Variants in KAZN observed in about 807,000 individuals in gnomAD.
KAZN encodes kazrin, periplakin interacting protein.
A neutral mutation model predicts 87.4 loss-of-function variants in KAZN; 40 were observed. The ratio of observed to expected loss-of-function variants is 0.46; its 90% CI spans 0.36 to 0.60. The LOEUF (loss-of-function observed/expected upper bound fraction) is 0.60, where lower values mean the gene tolerates loss of function less well. KAZN is among the 20% of genes least tolerant of loss of function. The pLI, the probability that KAZN is intolerant of heterozygous loss-of-function variation, is 0.00. For synonymous variants in KAZN, 466 were observed against 458.3 expected (o/e 1.02, Z -0.22); for missense variants, 898 against 1,073.9 (o/e 0.84, Z 2.29).
chr1:14,193,879 C>T (rs549570132), intron 2 of KAZN, among the ~76,000 whole-genome samples: 11 of 152,108 alleles, frequency 7.2e-5, no homozygotes, highest in African/African-American at 1.4e-4. Context: ...GCATAGCAGG[C>T]GGCTGTGTTT....
intron 1 of KAZN, among the ~76,000 whole-genome samples, chr1:14,023,784 T>C (rs1324645857): frequency 6.6e-6 from 1 of 152,142 alleles, no homozygotes; most frequent in Non-Finnish European, 1.5e-5. Flanking sequence ...TGAGTGAGGA[T>C]GAGTTCCGGC....
chr1:14,421,658 TG>T (rs2101319715), intron 2 of KAZN, among the ~76,000 whole-genome samples: 1 of 152,322 alleles, frequency 6.6e-6, no homozygotes, highest in South Asian at 2.1e-4. Context: ...TGGAAAATTC[TG>T]GGTTAAATAC....
intron 1 of KAZN, among the ~76,000 whole-genome samples, chr1:14,050,571 C>G (rs1371136284): frequency 6.6e-6 from 1 of 152,198 alleles, no homozygotes; most frequent in Non-Finnish European, 1.5e-5. Flanking sequence ...AGAATTCACT[C>G]ACTCTCGTGA....
chr1:14,288,891 T>C lies in KAZN; in HGVS notation c.249+108299T>C, dbSNP rs373523961. On this transcript the variant is annotated intron_variant, in intron 2 of 16. Transcript: ENST00000636203. The stretch of plus-strand genomic sequence containing the variant: ...ATTCTGGTGTGTTGTGTCTTTGTTC[T>C]CATTGGTTCCAAAGAACGTCTTTAT... Among the ~76,000 whole-genome samples the C allele has an allele frequency of 3.9e-5, 6 of 152,348 alleles. No individual in the cohort carries two copies. In the East Asian group the frequency reaches 1.2e-3, roughly 29 times the overall value.
chr1:14,469,634 A>G (rs908862964), intron 2 of KAZN, among the ~76,000 whole-genome samples: 1 of 152,220 alleles, frequency 6.6e-6, no homozygotes, highest in Non-Finnish European at 1.5e-5. Context: ...TCTAGGTTCC[A>G]GGATGGCAAT....
intron 1 of KAZN, among the ~76,000 whole-genome samples, chr1:13,956,287 A>C (rs58616053): frequency 0.14 from 21,422 of 148,890 alleles, 1,636 homozygotes; most frequent in African/African-American, 0.2. Flanking sequence ...AGATGTTACT[A>C]CATCATTTCT....
intron 2 of KAZN, among the ~76,000 whole-genome samples, chr1:14,278,926 CTTTTTTTTTT>C (rs77998358): frequency 2.0e-5 from 2 of 97,768 alleles, no homozygotes; most frequent in Non-Finnish European, 3.7e-5. Flanking sequence ...TCAAATTCAG[CTTTTTTTTTT>C]TTTTTTTTTT....
intron 1 of KAZN, among the ~76,000 whole-genome samples, chr1:14,865,600 T>C (rs988546645): frequency 1.3e-5 from 2 of 152,184 alleles, no homozygotes; most frequent in African/African-American, 4.8e-5. Flanking sequence ...CATCTCTTTC[T>C]GAGGAATAGC....
At chr1:14,757,987 A>T (rs968667549) in intron 1 of KAZN, among the ~76,000 whole-genome samples, 4 of 152,192 alleles carry the variant, frequency 2.6e-5, no homozygotes, top group Admixed American at 6.5e-5. Context: ...GCTGAATTCC[A>T]AGTCCACACA....
At chr1:14,636,681 T>G (rs1680013897) in intron 1 of KAZN, among the ~76,000 whole-genome samples, 1 of 152,142 alleles carries the variant, frequency 6.6e-6, no homozygotes, top group African/African-American at 2.4e-5. Flanking sequence ...ACAAAAGAAG[T>G]GAGAGACGCT....
intron 1 of KAZN, among the ~76,000 whole-genome samples, chr1:14,904,581 C>A (rs1026636010): frequency 2.6e-5 from 4 of 152,232 alleles, no homozygotes; most frequent in Admixed American, 6.5e-5. Flanking sequence ...CACAGACAGG[C>A]CCGTGCGCCA....
intron 1 of KAZN, among the ~76,000 whole-genome samples, chr1:14,685,874 G>T (rs573462871): frequency 6.6e-6 from 1 of 152,154 alleles, no homozygotes; most frequent in African/African-American, 2.4e-5. Context: ...GTGTGCGCAC[G>T]TGTGTATTCA....
At chr1:14,141,642 A>G (rs1261965080) in intron 1 of KAZN, among the ~76,000 whole-genome samples, 3 of 152,160 alleles carry the variant, frequency 2.0e-5, no homozygotes, top group African/African-American at 7.2e-5. Context: ...ATTTGCTTTC[A>G]ATAATTTGAG....
chr1:15,036,745 G>T (rs1054246178), intron 3 of KAZN, among the ~76,000 whole-genome samples: 3 of 152,146 alleles, frequency 2.0e-5, no homozygotes, highest in African/African-American at 7.2e-5. Flanking sequence ...CCTGTCTGAT[G>T]ATGCAGGTAC....
At chr1:14,405,801 C>T (rs1373017258) in intron 2 of KAZN, among the ~76,000 whole-genome samples, 1 of 152,076 alleles carries the variant, frequency 6.6e-6, no homozygotes, top group Non-Finnish European at 1.5e-5. Flanking sequence ...GCTCAAGACC[C>T]AGGAAGGGCT....
In KAZN at chr1:13,994,725, A is replaced by G. The variant is rs530012182; in HGVS notation, c.91+100969A>G. On this transcript the variant is annotated intron_variant, in intron 1 of 16. Transcript: ENST00000636203. The stretch of plus-strand genomic sequence containing the variant: ...GCAGTGTCCAGGGAAGGTTTCCTTG[A>G]GGAAGTTACCCTCAAGCAGGTGTCT... Among the ~76,000 whole-genome samples the G allele has an allele frequency of 1.4e-4, 22 of 152,296 alleles. No homozygotes were observed. In the East Asian group the frequency reaches 4.1e-3, roughly 28 times the overall value.
chr1:14,873,023 G>GATGA (rs58638356), intron 1 of KAZN, among the ~76,000 whole-genome samples: 2,382 of 151,350 alleles, frequency 0.016, 91 homozygotes, highest in African/African-American at 0.055. Flanking sequence ...TGGATGGATG[G>GATGA]GTGGGTGGAT....
intron 2 of KAZN, among the ~76,000 whole-genome samples, chr1:14,244,124 A>G (rs1649270578): frequency 6.6e-6 from 1 of 152,198 alleles, no homozygotes; most frequent in East Asian, 1.9e-4. Context: ...CAAACAAACA[A>G]ACAAAAAACT....
At chr1:14,466,896 G>C (rs1186818972) in intron 2 of KAZN, among the ~76,000 whole-genome samples, 1 of 152,228 alleles carries the variant, frequency 6.6e-6, no homozygotes, top group African/African-American at 2.4e-5. Context: ...GTGAACCCAG[G>C]AGGTGGAGGT....
Sources: allele counts gnomAD v4.1 joint callset (sites outside exome capture counted in the v4.1 genomes callset), GRCh38; gene constraint gnomAD v4.1.1; transcripts MANE v1.5; gene names NCBI Gene and HGNC (gene_info 2026-07-23, HGNC 2026-07-21).